Variants in NF1 observed in about 807,000 individuals in gnomAD.
NF1 encodes the protein neurofibromin 1.
In NF1, 122 loss-of-function variants were observed where a neutral mutation model predicts 325.7. The ratio of observed to expected loss-of-function variants is 0.37; its 90% CI spans 0.32 to 0.44. The LOEUF is 0.44. Ranked by LOEUF, NF1 falls within the 20% of genes least tolerant of loss-of-function variation. The pLI is 1.00. For synonymous variants in NF1, 1,091 were observed against 1,186.0 expected, an observed-to-expected ratio of 0.92 and a Z score of 1.65; for missense variants, 2,140 against 3,415.4, an observed-to-expected ratio of 0.63 and a Z score of 9.31.
At chr17:31,325,755 G>A (rs867810140) in intron 36 of NF1, 65 bp from the exon 37 acceptor site, 2 of 1,128,066 alleles carry the variant, frequency 1.8e-6, no homozygotes, top group African/African-American at 1.5e-5. Context: ...AAATTGATTA[G>A]TGGCATCTGT....
chr17:31,151,559 G>C (rs966918872), intron 1 of NF1, among the ~76,000 whole-genome samples: 1 of 152,120 alleles, frequency 6.6e-6, no homozygotes, highest in African/African-American at 2.4e-5. Flanking sequence ...AACCTCCATG[G>C]ACGGTGAAAT....
At chr17:31,250,549 A>C (rs1321050100) in intron 30 of NF1, 1 of 201,892 alleles carries the variant, frequency 5.0e-6, no homozygotes, top group African/African-American at 2.3e-5. Context: ...ATTGTAGTAG[A>C]ATTTCTTCAT....
chr17:31,116,563 G>A (rs980267923), intron 1 of NF1, among the ~76,000 whole-genome samples: 3 of 151,894 alleles, frequency 2.0e-5, no homozygotes, highest in Non-Finnish European at 2.9e-5. Flanking sequence ...CCCTTTCAAG[G>A]CCCTATCAAA....
rs71142046 is a variant in NF1, at chr17:31,322,094, TACAC to T, written c.4836-3694_4836-3691del. 4.4e-3 allele frequency among the ~76,000 whole-genome samples: 648 copies of T among 147,396 alleles called. 5 individuals carry two copies. The highest frequency in any genetic ancestry group is 0.014 in the Middle Eastern group (4 of 288). On this transcript the variant is annotated intron_variant, in intron 36 of 57. Coordinates refer to ENST00000358273, the MANE Select transcript of NF1 (RefSeq NM_001042492.3). Reference sequence around the variant, plus strand: ...GCTTTCGTGTGGTGTAGTGTGTGTATACACACACACACACACACACACACACACA... The same window carrying T: ...GCTTTCGTGTGGTGTAGTGTGTGTATACACACACACACACACACACACACA...
intron 12 of NF1, among the ~76,000 whole-genome samples, chr17:31,208,662 G>A (rs1168303126): frequency 3.3e-5 from 5 of 152,184 alleles, no homozygotes; most frequent in Non-Finnish European, 7.4e-5. Context: ...AGGCCAAGGT[G>A]TGCGGATCAC....
intron 46 of NF1, among the ~76,000 whole-genome samples, 180 bp downstream of exon 46, chr17:31,338,985 G>A (rs1330540809): frequency 6.6e-6 from 1 of 152,190 alleles, no homozygotes; most frequent in African/African-American, 2.4e-5. Flanking sequence ...AGAAGAGTAA[G>A]TATGGATAGT....
intron 1 of NF1, among the ~76,000 whole-genome samples, chr17:31,130,498 T>G (rs1416695486): frequency 6.6e-6 from 1 of 151,880 alleles, no homozygotes; most frequent in Non-Finnish European, 1.5e-5. Context: ...GGTGGTGGTG[T>G]TAGCACAGGG....
chr17:31,221,624 T>C (rs1435667866), intron 14 of NF1, among the ~76,000 whole-genome samples: 1 of 152,162 alleles, frequency 6.6e-6, no homozygotes, highest in African/African-American at 2.4e-5. Flanking sequence ...TACATGCCAG[T>C]TAGAGTCAGA....
At chr17:31,373,605 A>G (rs1271312127) in intron 57 of NF1, among the ~76,000 whole-genome samples, 1 of 152,244 alleles carries the variant, frequency 6.6e-6, no homozygotes, top group Non-Finnish European at 1.5e-5. Context: ...GCCAGGTTGT[A>G]TCTTATCACA....
rs1386021083 is a variant in NF1 at position 31,249,137 on chromosome 17, GAT to G, written c.4110+19_4110+20del. The G allele has an allele frequency of 1.9e-6, 3 of 1,612,676 alleles. No individual in the cohort carries two copies. The highest frequency in any genetic ancestry group is 2.5e-6 in the Non-Finnish European group (3 of 1,178,942). On this transcript the variant is annotated intron_variant, in intron 30 of 57. Transcript: ENST00000358273. ...TATACCAGGTATGCTTACAGTTAGA[GAT>G]TACCATTATTAATCTAAAGTTAAAT...
Position 31,336,258 on chromosome 17 carries a change from T to C in NF1, c.6007-75T>C. On this transcript the variant is annotated intron_variant, in intron 40 of 57. Coordinates refer to ENST00000358273, the MANE Select transcript of NF1 (RefSeq NM_001042492.3). The surrounding 1 kb of genome is among the most constrained non-coding windows in gnomAD (Gnocchi z 5.5). ...AGAATTTTCATATTGATTAGGCTGT[T>C]CCAATGAATATTTTTTAATTAAAAA... is the stretch of plus-strand genomic sequence containing the variant. 11 of 1,497,998 alleles carry C rather than the reference T, an allele frequency of 7.3e-6. No individual in the cohort carries two copies. The highest frequency in any genetic ancestry group is 9.2e-6 in the Non-Finnish European group (10 of 1,091,474). The allele number at this position is 1,497,998 out of a possible 1,614,324, so 92.8% of individuals were successfully genotyped here.
chr17:31,281,253 A>T (rs2068113165), intron 36 of NF1, among the ~76,000 whole-genome samples: 1 of 152,170 alleles, frequency 6.6e-6, no homozygotes, highest in Non-Finnish European at 1.5e-5. Context: ...GCCTGTGTGA[A>T]CTTCTGGGCT....
rs767526492 is a variant in NF1 at position 31,229,822 on chromosome 17, G to T, written c.2851-13G>T. ...TTGATGGCAAATCATTAATGTATTT[G>T]TTCTTTCTTTAGGTTTTATTGACTG... is the stretch of plus-strand genomic sequence containing the variant. On this transcript the variant is annotated splice_polypyrimidine_tract_variant and intron_variant, in intron 21 of 57. Coordinates refer to ENST00000358273, the MANE Select transcript of NF1 (RefSeq NM_001042492.3). 1.2e-6 allele frequency: 2 copies of T among 1,611,490 alleles called. No individual in the cohort carries two copies. The highest frequency in any genetic ancestry group is 1.7e-6 in the Non-Finnish European group (2 of 1,179,522).
intron 4 of NF1, among the ~76,000 whole-genome samples, chr17:31,169,542 T>TC (rs2065898424): frequency 6.6e-6 from 1 of 151,912 alleles, no homozygotes; most frequent in Admixed American, 6.6e-5. Context: ...CCCGAAGACT[T>TC]TTTTTGTTTT....
intron 36 of NF1, among the ~76,000 whole-genome samples, chr17:31,281,238 A>G (rs2068113021): frequency 6.6e-6 from 1 of 152,162 alleles, no homozygotes; most frequent in Admixed American, 6.5e-5. Context: ...TGTGATTCCA[A>G]GTAAGCCTGT....
chr17:31,313,469 G>A (rs1003945397), intron 36 of NF1, among the ~76,000 whole-genome samples: 4 of 152,020 alleles, frequency 2.6e-5, no homozygotes, highest in African/African-American at 9.6e-5. Flanking sequence ...TTTGGGAGGC[G>A]GAGGTAAGCG....
chr17:31,296,564 T>TG, intron 36 of NF1: 1 of 527,214 alleles, frequency 1.9e-6, no homozygotes. Flanking sequence ...TACTCTCTCC[T>TG]GCATTTTCTC....
intron 1 of NF1, among the ~76,000 whole-genome samples, chr17:31,104,979 A>T (rs895535000): frequency 6.6e-6 from 1 of 152,212 alleles, no homozygotes; most frequent in Middle Eastern, 3.4e-3. Context: ...ATCATAGCTC[A>T]CCATAGCCTC....
chr17:31,113,947 T>TG (rs1257500695), intron 1 of NF1, among the ~76,000 whole-genome samples: 2 of 152,234 alleles, frequency 1.3e-5, no homozygotes, highest in Non-Finnish European at 2.9e-5. Flanking sequence ...TATTGATTTC[T>TG]GGGGGACATT....
Sources: allele counts gnomAD v4.1 joint callset (sites outside exome capture counted in the v4.1 genomes callset), GRCh38; gene constraint gnomAD v4.1.1; non-coding constraint Gnocchi (gnomAD v3.1); transcripts MANE v1.5; gene names NCBI Gene and HGNC (gene_info 2026-07-23, HGNC 2026-07-21).